Variants in DOCK1 observed in about 807,000 individuals in gnomAD.
The protein encoded by DOCK1 is dedicator of cytokinesis 1, also known as dedicator of cytokinesis protein 1.
A neutral mutation model predicts 262.7 loss-of-function variants in DOCK1; 138 were observed. The ratio of observed to expected loss-of-function variants is 0.53; its 90% CI spans 0.46 to 0.61. The LOEUF (loss-of-function observed/expected upper bound fraction) is 0.61, where lower values mean the gene tolerates loss of function less well. DOCK1 is among the 20% of genes least tolerant of loss of function. The pLI is 0.00. For missense variants in DOCK1, 1,908 were observed against 2,370.7 expected, an observed-to-expected ratio of 0.80 and a Z score of 4.05; for synonymous variants, 866 against 867.4, an observed-to-expected ratio of 1.00 and a Z score of 0.03.
intron 1 of DOCK1, among the ~76,000 whole-genome samples, chr10:126,950,273 C>A (rs892939197): frequency 6.6e-6 from 1 of 152,034 alleles, no homozygotes; most frequent in Admixed American, 6.6e-5. Flanking sequence ...TGTGTCATGT[C>A]TTGTCTCCTC....
chr10:127,048,296 A>G (rs1458773610), intron 21 of DOCK1, among the ~76,000 whole-genome samples: 1 of 152,054 alleles, frequency 6.6e-6, no homozygotes, highest in Non-Finnish European at 1.5e-5. Flanking sequence ...TTGATTTGCC[A>G]TTTGTGAAAT....
At chr10:127,150,516 G>T (rs2052386593) in intron 27 of DOCK1, among the ~76,000 whole-genome samples, 1 of 152,182 alleles carries the variant, frequency 6.6e-6, no homozygotes, top group Non-Finnish European at 1.5e-5. Flanking sequence ...GACATAAGTG[G>T]TGCACCCATG....
intron 33 of DOCK1, among the ~76,000 whole-genome samples, chr10:127,365,031 A>G (rs56329200): frequency 0.064 from 9,426 of 146,574 alleles, 433 homozygotes; most frequent in Non-Finnish European, 0.082. Flanking sequence ...AACATTGTAA[A>G]TATTATACCT....
At chr10:127,120,312 C>G (rs1343608876) in intron 25 of DOCK1, among the ~76,000 whole-genome samples, 1 of 152,194 alleles carries the variant, frequency 6.6e-6, no homozygotes, top group Non-Finnish European at 1.5e-5. Flanking sequence ...CATACAAGGT[C>G]TTTAACATCG....
intron 23 of DOCK1, among the ~76,000 whole-genome samples, chr10:127,087,516 A>G (rs1465527772): frequency 6.6e-6 from 1 of 151,944 alleles, no homozygotes; most frequent in Non-Finnish European, 1.5e-5. Flanking sequence ...TTTAGGGTAG[A>G]TTGTGGTCCT....
intron 1 of DOCK1, among the ~76,000 whole-genome samples, chr10:126,965,004 G>A (rs1392670498): frequency 6.6e-6 from 1 of 152,182 alleles, no homozygotes; most frequent in Non-Finnish European, 1.5e-5. Flanking sequence ...GTGCCTGCAA[G>A]GTATGGTTTT....
chr10:127,387,879 G>A (rs932017065), intron 38 of DOCK1, among the ~76,000 whole-genome samples: 2 of 149,742 alleles, frequency 1.3e-5, no homozygotes, highest in African/African-American at 4.9e-5. Flanking sequence ...TTTAGCAAAG[G>A]TAGCCAAATA....
intron 23 of DOCK1, among the ~76,000 whole-genome samples, chr10:127,105,828 C>A (rs909633747): frequency 6.6e-6 from 1 of 152,184 alleles, no homozygotes. Context: ...GCTGTGAACA[C>A]GGCTCACTGC....
At chr10:127,234,793 C>T (rs1455170585) in intron 27 of DOCK1, among the ~76,000 whole-genome samples, 1 of 151,770 alleles carries the variant, frequency 6.6e-6, no homozygotes, top group Non-Finnish European at 1.5e-5. Flanking sequence ...ATTGAAAGTA[C>T]TCTGTTTCTA....
chr10:126,928,173 C>T (rs1044863538), intron 1 of DOCK1, among the ~76,000 whole-genome samples: 9 of 152,104 alleles, frequency 5.9e-5, no homozygotes, highest in African/African-American at 1.7e-4. Context: ...GAGAATAAGC[C>T]GTGAATGGGA....
chr10:127,315,691 C>A lies in DOCK1; in HGVS notation c.3045-23315C>A, dbSNP rs540767328. On this transcript the variant is annotated intron_variant, in intron 29 of 51. Transcript: ENST00000623213. The stretch of plus-strand genomic sequence containing the variant: ...CCCTGAAGTCACATCAGTTGCATTT[C>A]CGGATTCCAAATACCTTTTCCACAT... Among the ~76,000 whole-genome samples the A allele has an allele frequency of 5.1e-4, 77 of 152,278 alleles. 1 individual carries two copies. Among genetic ancestry groups the A allele is most frequent in the African/African-American group, 1.7e-3 (72 of 41,566 alleles).
In DOCK1 at chr10:127,008,283, A is replaced by G. The variant is rs2041180510; in HGVS notation, c.986-449A>G. 2.0e-5 allele frequency among the ~76,000 whole-genome samples: 3 copies of G among 152,078 alleles called. No individual in the cohort carries two copies. In the South Asian group the frequency reaches 6.2e-4, roughly 32 times the overall value. ...TGGATAATTTTTGTATTTCTTGTAG[A>G]GATGGGGTTTTGTCATGTTACCCAG... On this transcript the variant is annotated intron_variant, in intron 10 of 51. Coordinates refer to ENST00000623213, the MANE Select transcript of DOCK1 (RefSeq NM_001290223.2).
intron 1 of DOCK1, among the ~76,000 whole-genome samples, chr10:126,918,779 A>G (rs2032812494): frequency 6.6e-6 from 1 of 152,244 alleles, no homozygotes. Context: ...GCTTACTGTT[A>G]CTAATGATAC....
At position 126,928,439 on chromosome 10, in the gene DOCK1, G is replaced by A. The variant is rs1031225295; in HGVS notation, c.46+22876G>A. On this transcript the variant is annotated intron_variant, in intron 1 of 51. Transcript: ENST00000623213. ...ATGTGGTCATGCTAGATTAGGGTGG[G>A]CCTTTAATCCAGGATGCCTGGTGTC... Among the ~76,000 whole-genome samples, 315 of 152,252 alleles carry A rather than the reference G, an allele frequency of 2.1e-3. 2 individuals carry two copies. Among genetic ancestry groups the A allele is most frequent in the African/African-American group, 7.2e-3 (301 of 41,548 alleles).
chr10:127,175,725 A>T lies in DOCK1; in HGVS notation c.2847+47961A>T. ...CCGGTCCTGCTTGGCCCTCCCGAGC[A>T]GCTGGTAATCGGGCTCTTCGGATGG... On this transcript the variant is annotated intron_variant, in intron 27 of 51. Coordinates refer to ENST00000623213, the MANE Select transcript of DOCK1 (RefSeq NM_001290223.2). The surrounding 1 kb of genome is among the most constrained non-coding windows in gnomAD (Gnocchi z 6.3). 1 of 1,614,000 alleles carries T rather than the reference A, an allele frequency of 6.2e-7. No homozygotes were observed. The highest frequency in any genetic ancestry group is 8.5e-7 in the Non-Finnish European group (1 of 1,179,996).
chr10:127,409,892 G>A (rs771635845), intron 42 of DOCK1, among the ~76,000 whole-genome samples: 2 of 152,322 alleles, frequency 1.3e-5, no homozygotes, highest in South Asian at 4.1e-4. Flanking sequence ...GTAGGGTTAT[G>A]AGGGGGCTTT....
At chr10:127,083,960 A>G (rs2047054513) in intron 23 of DOCK1, among the ~76,000 whole-genome samples, 1 of 152,194 alleles carries the variant, frequency 6.6e-6, no homozygotes, top group Non-Finnish European at 1.5e-5. Flanking sequence ...GGATGTAAAA[A>G]TATTTATAAT....
chr10:127,428,060 G>A (rs781303145), intron 47 of DOCK1, among the ~76,000 whole-genome samples: 8 of 152,238 alleles, frequency 5.3e-5, no homozygotes, highest in East Asian at 3.8e-4. Flanking sequence ...CTAGAGTAGC[G>A]CTTGATAGCT....
At chr10:126,952,294 T>C (rs1158366182) in intron 1 of DOCK1, among the ~76,000 whole-genome samples, 2 of 151,826 alleles carry the variant, frequency 1.3e-5, no homozygotes, top group Non-Finnish European at 2.9e-5. Context: ...TTGTAGGTGA[T>C]GGTGGTGGTG....
Sources: allele counts gnomAD v4.1 joint callset (sites outside exome capture counted in the v4.1 genomes callset), GRCh38; gene constraint gnomAD v4.1.1; non-coding constraint Gnocchi (gnomAD v3.1); transcripts MANE v1.5; gene names NCBI Gene and HGNC (gene_info 2026-07-23, HGNC 2026-07-21).